Variants in ABCA13 observed in about 807,000 individuals in gnomAD.
ABCA13 encodes the protein ATP-binding cassette sub-family A member 13.
Under a neutral mutation model 478.7 loss-of-function variants are expected in ABCA13, and 476 were observed. The observed-to-expected ratio is 0.99, with a 90% CI of 0.92 to 1.07. The LOEUF (loss-of-function observed/expected upper bound fraction) is 1.07, where lower values mean the gene tolerates loss of function less well. Ranked by LOEUF, ABCA13 falls within the 50% of genes least tolerant of loss-of-function variation. ABCA13 has a pLI of 0.00. For missense variants in ABCA13, 6,060 were observed against 5,910.6 expected, an observed-to-expected ratio of 1.03 and a Z score of -0.83; for synonymous variants, 2,252 against 2,158.9, an observed-to-expected ratio of 1.04 and a Z score of -1.20.
intron 58 of ABCA13, among the ~76,000 whole-genome samples, chr7:48,609,677 A>G (rs1791825027): frequency 6.6e-6 from 1 of 152,162 alleles, no homozygotes; most frequent in South Asian, 2.1e-4. Context: ...AAATATCTGC[A>G]TTGCCTAGCC....
Position 48,594,958 on chromosome 7 carries a change from C to T in ABCA13, c.14744+145C>T, listed in dbSNP as rs1790133729. 3 of 717,334 alleles carry T rather than the reference C, an allele frequency of 4.2e-6. No individual in the cohort carries two copies. In the South Asian group the frequency reaches 6.5e-5, roughly 16 times the overall value. The allele number at this position is 717,334 out of a possible 1,614,324, so 44.4% of individuals were successfully genotyped here. A position where few individuals can be genotyped will look rare whatever the true frequency, so the allele number is the denominator to read the frequency against. ...TAATGGTGATATTATTGTTAGCCCT[C>T]ATTGTATAAATTGAGACTGAAGCCA... On this transcript the variant is annotated intron_variant, in intron 58 of 61. Transcript: ENST00000435803.
intron 3 of ABCA13, among the ~76,000 whole-genome samples, chr7:48,199,596 A>G (rs1356592025): frequency 6.6e-6 from 1 of 152,226 alleles, no homozygotes; most frequent in African/African-American, 2.4e-5. Flanking sequence ...AGGTCATAGT[A>G]GGTGCTTACT....
At chr7:48,557,306 A>G (rs932581893) in intron 55 of ABCA13, among the ~76,000 whole-genome samples, 7 of 152,084 alleles carry the variant, frequency 4.6e-5, no homozygotes, top group African/African-American at 7.2e-5. Context: ...ACACTTTCAG[A>G]TAATTTCTTA....
chr7:48,605,055 C>T (rs894682027), intron 58 of ABCA13, among the ~76,000 whole-genome samples: 4 of 152,060 alleles, frequency 2.6e-5, no homozygotes, highest in Non-Finnish European at 5.9e-5. Flanking sequence ...GCAATCTCTG[C>T]TTTCTTTTGC....
chr7:48,594,694 G>A lies in ABCA13; in HGVS notation c.14641-16G>A. The A allele has an allele frequency of 3.7e-6, 6 of 1,608,250 alleles. No individual in the cohort carries two copies. The South Asian group carries it at 5.5e-5, about 15-fold the overall frequency. On this transcript the variant is annotated splice_polypyrimidine_tract_variant and intron_variant, in intron 57 of 61. Transcript: ENST00000435803. ...GTTTTTCAAATGCTGATTACTCTGTGTTGCCTTTCCTTCAGGATGAGCCCA... is the reference window on the plus strand; with the variant it reads ...GTTTTTCAAATGCTGATTACTCTGTATTGCCTTTCCTTCAGGATGAGCCCA...
Position 48,276,224 on chromosome 7 carries a change from T to C in ABCA13, c.6558T>C (p.Leu2186=). The C allele has an allele frequency of 6.3e-7, 1 of 1,579,220 alleles. No individual in the cohort carries two copies. The highest frequency in any genetic ancestry group is 8.6e-7 in the Non-Finnish European group (1 of 1,161,472). ...CAGGCAATTTTGATGTTGCCTTTCT[T>C]ACCCATCTGCTAAATCAAGAACAGC... ...SRAGNFDVAF[L]THLLNQEQLT... Residue 2186 remains leucine (L), a synonymous_variant, in exon 17 of 62, where the codon CTT becomes CTC. Coordinates refer to ENST00000435803, the MANE Select transcript of ABCA13 (RefSeq NM_152701.5).
At chr7:48,489,439 A>T in intron 48 of ABCA13, 95 bp downstream of exon 48, 1 of 1,090,614 alleles carries the variant, frequency 9.2e-7, no homozygotes. Context: ...TAGAAATGTG[A>T]GGGGCAATGA....
intron 58 of ABCA13, among the ~76,000 whole-genome samples, chr7:48,614,873 T>C (rs1212062394): frequency 2.7e-5 from 3 of 110,042 alleles, no homozygotes; most frequent in Non-Finnish European, 5.2e-5. Flanking sequence ...CATCACATTC[T>C]GGGGACTGTT....
At chr7:48,459,789 T>C (rs1408785196) in intron 43 of ABCA13, among the ~76,000 whole-genome samples, 1 of 152,288 alleles carries the variant, frequency 6.6e-6, no homozygotes, top group Non-Finnish European at 1.5e-5. Flanking sequence ...CTTCCAGAAA[T>C]TAACTTGGAC....
chr7:48,451,002 CT>C (rs368732073), intron 42 of ABCA13, among the ~76,000 whole-genome samples: 35,476 of 113,612 alleles, frequency 0.31, 3,611 homozygotes, highest in East Asian at 0.38. Context: ...TTTTCTTTTT[CT>C]TTTTTTTTTT....
rs577491405 is a variant in ABCA13, at chr7:48,565,631, T to TCAAAA, written c.14355-14572_14355-14568dup. 2.6e-3 allele frequency among the ~76,000 whole-genome samples: 401 copies of TCAAAA among 151,938 alleles called. 1 individual carries two copies. Among genetic ancestry groups the TCAAAA allele is most frequent in the Middle Eastern group, 6.8e-3 (2 of 294 alleles). On this transcript the variant is annotated intron_variant, in intron 55 of 61. Coordinates refer to ENST00000435803, the MANE Select transcript of ABCA13 (RefSeq NM_152701.5). ...GTAATCCCAGCACCCAGACTCCATC[T>TCAAAA]CAAAACAAAACAAAACAAAACAAAA...
At chr7:48,359,485 A>C (rs941578054) in intron 31 of ABCA13, among the ~76,000 whole-genome samples, 14 of 151,712 alleles carry the variant, frequency 9.2e-5, no homozygotes, top group Non-Finnish European at 2.1e-4. Context: ...GTTCCATGAA[A>C]AGGAAAGGGA....
intron 27 of ABCA13, among the ~76,000 whole-genome samples, chr7:48,321,950 G>T (rs1416202865): frequency 1.3e-5 from 2 of 152,226 alleles, no homozygotes; most frequent in Non-Finnish European, 2.9e-5. Context: ...ACATCAGGGG[G>T]TTTGAGCATT....
chr7:48,219,598 C>T (rs1261484872), intron 4 of ABCA13, 93 bp downstream of exon 4: 12 of 1,453,862 alleles, frequency 8.3e-6, no homozygotes, highest in Non-Finnish European at 1.1e-5. Context: ...GCTAAATGCT[C>T]AACTCCTGCC....
chr7:48,536,027 G>A (rs1833549802), intron 55 of ABCA13, among the ~76,000 whole-genome samples: 1 of 152,134 alleles, frequency 6.6e-6, no homozygotes, highest in Admixed American at 6.5e-5. Flanking sequence ...AAGGGTCTGT[G>A]GATTCTCTCA....
chr7:48,518,964 C>T (rs1171589372), intron 52 of ABCA13, among the ~76,000 whole-genome samples: 1 of 152,054 alleles, frequency 6.6e-6, no homozygotes, highest in East Asian at 1.9e-4. Flanking sequence ...CTCTCCCTCC[C>T]CCACCCCATC....
intron 52 of ABCA13, among the ~76,000 whole-genome samples, chr7:48,517,515 A>G (rs565574893): frequency 6.6e-6 from 1 of 152,260 alleles, no homozygotes; most frequent in East Asian, 1.9e-4. Flanking sequence ...GTCATTTCTT[A>G]AATGTCATCT....
intron 32 of ABCA13, among the ~76,000 whole-genome samples, chr7:48,371,786 C>T (rs1812671119): frequency 6.6e-6 from 1 of 152,092 alleles, no homozygotes. Flanking sequence ...TTATTTCTTT[C>T]TCTTGTCTAT....
intron 41 of ABCA13, among the ~76,000 whole-genome samples, chr7:48,421,054 G>C (rs968562857): frequency 2.6e-5 from 4 of 152,162 alleles, no homozygotes; most frequent in African/African-American, 9.7e-5. Context: ...ATATTCCAGG[G>C]GTGATGCTGT....
Sources: gnomAD v4.1 joint callset for allele counts (sites outside exome capture counted in the v4.1 genomes callset) on GRCh38, gnomAD v4.1.1 for gene constraint, MANE v1.5 for transcripts, NCBI Gene and HGNC (gene_info 2026-07-23, HGNC 2026-07-21) for gene names.